Variants in SNX5 observed in about 807,000 individuals in gnomAD.
SNX5 encodes sorting nexin-5.
A neutral mutation model predicts 53.9 loss-of-function variants in SNX5; 31 were observed. That is an observed-to-expected ratio of 0.58 (90% CI 0.43 to 0.78). The LOEUF is 0.78. Among genes scored for constraint, SNX5 ranks in the 30% least tolerant of loss-of-function variants. SNX5 has a pLI of 0.00. For missense variants in SNX5, 471 were observed against 478.8 expected (o/e 0.98, Z 0.15); for synonymous variants, 168 against 171.1 (o/e 0.98, Z 0.14).
intron 10 of SNX5, among the ~76,000 whole-genome samples, chr20:17,948,285 G>A (rs2039513774): frequency 6.6e-6 from 1 of 152,136 alleles, no homozygotes; most frequent in Admixed American, 6.5e-5. Flanking sequence ...TAGAAAATAG[G>A]CTATTAAAAA....
At position 17,952,634 on chromosome 20, in the gene SNX5, G is replaced by C; in HGVS notation, c.466C>G (p.Leu156Val). The C allele has an allele frequency of 6.2e-7, 1 of 1,614,064 alleles. No homozygotes were observed. Among genetic ancestry groups the C allele is most frequent in the Non-Finnish European group, 8.5e-7 (1 of 1,179,974 alleles). ...ACATGAAAGTTGCGATCTTTACTGAGAACAGGGTGAGAAGAAAGCCGCTGA... is the reference window on the plus strand; with the variant it reads ...ACATGAAAGTTGCGATCTTTACTGACAACAGGGTGAGAAGAAAGCCGCTGA... ...FLQRLSSHPVLSKDRNFHVFL... is the reference protein window; with the variant it reads ...FLQRLSSHPVVSKDRNFHVFL... Residue 156 changes from leucine (L) to valine (V), a missense_variant, in exon 5 of 13, where the codon CTC becomes GTC. Coordinates refer to ENST00000377759, the MANE Select transcript of SNX5 (RefSeq NM_014426.4).
At chr20:17,955,339 CTTAT>C (rs2122385386) in intron 3 of SNX5, 22 bp downstream of exon 3, 1 of 1,529,400 alleles carries the variant, frequency 6.5e-7, no homozygotes, top group East Asian at 2.3e-5. Context: ...AAAGAACTAG[CTTAT>C]TTGATTTTCT....
At chr20:17,948,269 T>A (rs1005299025) in intron 10 of SNX5, among the ~76,000 whole-genome samples, 1 of 152,230 alleles carries the variant, frequency 6.6e-6, no homozygotes, top group Admixed American at 6.5e-5. Context: ...CTTAATTCCA[T>A]GAAAGTAGAA....
intron 5 of SNX5, among the ~76,000 whole-genome samples, chr20:17,951,835 T>C (rs1012582295): frequency 1.3e-5 from 2 of 152,238 alleles, no homozygotes; most frequent in South Asian, 2.1e-4. Flanking sequence ...AGCTAAGTCT[T>C]AGTGGCTCTG....
At chr20:17,942,571 G>GCATCC (rs2039432309) in intron 12 of SNX5, 164 bp from the exon 13 acceptor site, 2 of 632,970 alleles carry the variant, frequency 3.2e-6, no homozygotes, top group Admixed American at 5.3e-5. Flanking sequence ...AACGTACCAC[G>GCATCC]CATCCCCATT....
chr20:17,960,431 C>CA (rs1387523690), intron 1 of SNX5, among the ~76,000 whole-genome samples: 1 of 151,986 alleles, frequency 6.6e-6, no homozygotes, highest in Non-Finnish European at 1.5e-5. Flanking sequence ...CCGTCTCTAC[C>CA]AAAAATACAA....
chr20:17,958,605 C>G (rs6080916), intron 1 of SNX5, among the ~76,000 whole-genome samples: 1 of 152,048 alleles, frequency 6.6e-6, no homozygotes, highest in South Asian at 2.1e-4. Flanking sequence ...ACATCTCAAC[C>G]TAAGTATTTT....
intron 2 of SNX5, 144 bp from the exon 3 acceptor site, chr20:17,955,619 G>A (rs955818852): frequency 1.5e-5 from 9 of 587,296 alleles, no homozygotes; most frequent in Non-Finnish European, 2.5e-5. Context: ...ATGATCTCCT[G>A]TCATGAAAGT....
chr20:17,962,815 C>CT (rs777790673), intron 1 of SNX5: 21 of 519,204 alleles, frequency 4.0e-5, no homozygotes, highest in Admixed American at 9.7e-5. Flanking sequence ...ACAAGCAGTT[C>CT]ACAGTAGAAC....
At chr20:17,960,287 C>G (rs1286468758) in intron 1 of SNX5, among the ~76,000 whole-genome samples, 1 of 151,954 alleles carries the variant, frequency 6.6e-6, no homozygotes, top group Non-Finnish European at 1.5e-5. Flanking sequence ...ATGGTGAAAC[C>G]CCGTCTCTAC....
At position 17,968,712 on chromosome 20, in the gene SNX5, C is replaced by A; in HGVS notation, c.-287G>T. The A allele has an allele frequency of 2.2e-6, 1 of 445,890 alleles. No homozygotes were observed. 27.6% of individuals were successfully genotyped at this position (445,890 alleles called of 1,614,324 possible). A position where few individuals can be genotyped will look rare whatever the true frequency, so the allele number is the denominator to read the frequency against. ...ACGTGGGGCCTACCCTTGCTCCGCT[C>A]CACGAGGAGGCCGCCAACCGCAGGG... On this transcript the variant is annotated 5_prime_UTR_variant, in exon 1 of 13. Transcript: ENST00000377759.
rs1426329622 is a variant in SNX5, at chr20:17,947,478, T to C, written c.1078+8A>G. 6.2e-7 allele frequency: 1 copy of C among 1,611,044 alleles called. No individual in the cohort carries two copies. Among genetic ancestry groups the C allele is most frequent in the Non-Finnish European group, 8.5e-7 (1 of 1,178,846 alleles). ...TTACAGTACAGAAAGAAGAATGTCCTGCTCAACCTTCTTTTGCAGATTCGG... is the reference window on the plus strand; with the variant it reads ...TTACAGTACAGAAAGAAGAATGTCCCGCTCAACCTTCTTTTGCAGATTCGG... On this transcript the variant is annotated splice_region_variant and intron_variant, in intron 11 of 12. Coordinates refer to ENST00000377759, the MANE Select transcript of SNX5 (RefSeq NM_014426.4).
At chr20:17,968,195 T>C (rs1450883860) in intron 1 of SNX5, 180 bp downstream of exon 1, 40 of 420,694 alleles carry the variant, frequency 9.5e-5, no homozygotes. Context: ...TCCACAGGGA[T>C]TCCCCGGGGC....
chr20:17,962,078 C>T, intron 1 of SNX5: 1 of 707,866 alleles, frequency 1.4e-6, no homozygotes, highest in Non-Finnish European at 1.7e-6. Context: ...TGTTACTATT[C>T]TCTGCCATCC....
chr20:17,942,422 G>T lies in SNX5; in HGVS notation c.1165-15C>A. On this transcript the variant is annotated splice_polypyrimidine_tract_variant and intron_variant, in intron 12 of 12. Coordinates refer to ENST00000377759, the MANE Select transcript of SNX5 (RefSeq NM_014426.4). ...GAGACATTGTTCTGTGGGGAAAAAA[G>T]GCAAGGCAGACCAGTGAATTATTAA... The T allele has an allele frequency of 6.2e-7, 1 of 1,603,708 alleles. No individual in the cohort carries two copies. Among genetic ancestry groups the T allele is most frequent in the Non-Finnish European group, 8.5e-7 (1 of 1,170,770 alleles).
intron 1 of SNX5, among the ~76,000 whole-genome samples, chr20:17,964,503 G>A (rs2035506819): frequency 1.3e-5 from 2 of 152,300 alleles, no homozygotes; most frequent in East Asian, 3.9e-4. Context: ...GTGAAGGTGT[G>A]AAGATCTCTT....
Position 17,947,588 on chromosome 20 carries a change from G to C in SNX5, c.976C>G (p.Leu326Val), listed in dbSNP as rs369908673. 1.7e-5 allele frequency: 28 copies of C among 1,613,904 alleles called. 1 individual carries two copies. Among genetic ancestry groups the C allele is most frequent in the East Asian group, 1.1e-4 (5 of 44,902 alleles). Residue 326 changes from leucine (L) to valine (V), a missense_variant, in exon 11 of 13, where the codon CTG becomes GTG. Leu to Val is a conservative substitution (Grantham distance 32). Coordinates refer to ENST00000377759, the MANE Select transcript of SNX5 (RefSeq NM_014426.4). ...TTGCTCTTTAACCGGGCCTTATCCA[G>C]AGCTTTGTTTGAGTTCTCATAGTCA... Reference protein sequence around the residue: ...LIDYENSNKALDKARLKSKDV... With the variant: ...LIDYENSNKAVDKARLKSKDV...
intron 1 of SNX5, chr20:17,962,647 T>C (rs1278626628): frequency 1.6e-5 from 7 of 444,450 alleles, no homozygotes; most frequent in African/African-American, 2.3e-5. Flanking sequence ...TCTACTAACA[T>C]AGCTAATAGC....
chr20:17,942,967 G>T, intron 12 of SNX5, 143 bp downstream of exon 12: 2 of 602,902 alleles, frequency 3.3e-6, no homozygotes, highest in Non-Finnish European at 6.0e-6. Flanking sequence ...AATAAACAAT[G>T]AGTGGCTCCC....
Sources: allele counts gnomAD v4.1 joint callset (sites outside exome capture counted in the v4.1 genomes callset), GRCh38; gene constraint gnomAD v4.1.1; transcripts MANE v1.5; gene names NCBI Gene and HGNC (gene_info 2026-07-23, HGNC 2026-07-21).